The following RIN2 variants were observed in gnomAD, a reference collection of about 807,000 sequenced individuals.
The protein encoded by RIN2 is RAB5 interacting protein 2.
A neutral mutation model predicts 78.0 loss-of-function variants in RIN2; 36 were observed. The observed-to-expected ratio is 0.46, with a 90% CI of 0.35 to 0.61. The LOEUF (loss-of-function observed/expected upper bound fraction) is 0.61, where lower values mean the gene tolerates loss of function less well. RIN2 is among the 20% of genes least tolerant of loss of function. The pLI is 0.00. For missense variants in RIN2, 1,087 were observed against 1,159.7 expected, an observed-to-expected ratio of 0.94 and a Z score of 0.91; for synonymous variants, 466 against 466.8, an observed-to-expected ratio of 1.00 and a Z score of 0.02.
chr20:19,962,138 CAAA>C (rs112843574), intron 6 of RIN2, among the ~76,000 whole-genome samples: 24 of 129,620 alleles, frequency 1.9e-4, no homozygotes, highest in Admixed American at 3.0e-4. Context: ...CCATCTCCAC[CAAA>C]AAAAAAAAAA....
chr20:19,977,410 A>T (rs1020769002), intron 9 of RIN2, among the ~76,000 whole-genome samples: 2 of 126,260 alleles, frequency 1.6e-5, no homozygotes, highest in African/African-American at 2.9e-5. Context: ...TCCAAAAAAC[A>T]TGCTAAAATT....
At chr20:19,850,400 A>G (rs2036924001) in intron 2 of RIN2, among the ~76,000 whole-genome samples, 1 of 152,106 alleles carries the variant, frequency 6.6e-6, no homozygotes, top group African/African-American at 2.4e-5. Flanking sequence ...AATGTTACGT[A>G]TCCCATCATC....
rs1403746084 is a variant in RIN2 at position 19,904,248 on chromosome 20, T to A, written c.57+14590T>A. ...CTTCGTCTCAAAAAAAAAATATATATATATATATATATAAAATATATATAT... is the reference window on the plus strand; with the variant it reads ...CTTCGTCTCAAAAAAAAAATATATAAATATATATATATAAAATATATATAT... On this transcript the variant is annotated intron_variant, in intron 3 of 12. Transcript: ENST00000255006. 6.9e-3 allele frequency among the ~76,000 whole-genome samples: 1,000 copies of A among 144,112 alleles called. 6 individuals are homozygous for A. The highest frequency in any genetic ancestry group is 0.011 in the Non-Finnish European group (696 of 66,008). 94.5% of individuals were successfully genotyped at this position (144,112 alleles called of 152,430 possible). A position where few individuals can be genotyped will look rare whatever the true frequency, so the allele number is the denominator to read the frequency against.
intron 1 of RIN2, among the ~76,000 whole-genome samples, chr20:19,791,424 G>A (rs1042592556): frequency 1.3e-5 from 2 of 152,230 alleles, no homozygotes; most frequent in African/African-American, 2.4e-5. Context: ...ATAATTTAAG[G>A]TCAACAAAAT....
intron 2 of RIN2, among the ~76,000 whole-genome samples, chr20:19,884,044 T>C (rs2038107035): frequency 1.3e-5 from 2 of 149,972 alleles, no homozygotes; most frequent in South Asian, 2.2e-4. Flanking sequence ...CAAGCATTCC[T>C]TCTGCCTTGG....
At chr20:19,934,847 G>T (rs2040570940) in intron 3 of RIN2, among the ~76,000 whole-genome samples, 1 of 151,598 alleles carries the variant, frequency 6.6e-6, no homozygotes, top group Admixed American at 6.6e-5. Flanking sequence ...AACAAACTGG[G>T]TGTCATATTC....
chr20:19,947,442 C>G (rs148688862), intron 4 of RIN2, among the ~76,000 whole-genome samples: 1 of 152,256 alleles, frequency 6.6e-6, no homozygotes, highest in Non-Finnish European at 1.5e-5. Context: ...CACTTAGTAG[C>G]AAAACTACAG....
At chr20:19,916,520 G>A (rs879368184) in intron 3 of RIN2, among the ~76,000 whole-genome samples, 2 of 152,232 alleles carry the variant, frequency 1.3e-5, no homozygotes, top group Non-Finnish European at 2.9e-5. Context: ...TCAGGAGGCT[G>A]AGTTGAGAGG....
chr20:19,903,878 G>A (rs536708073), intron 3 of RIN2, among the ~76,000 whole-genome samples: 16 of 152,330 alleles, frequency 1.1e-4, no homozygotes, highest in African/African-American at 3.8e-4. Flanking sequence ...GCTCCTTGAG[G>A]ACAGAGAGAG....
intron 2 of RIN2, among the ~76,000 whole-genome samples, chr20:19,831,728 A>G (rs1223813102): frequency 6.6e-6 from 1 of 152,212 alleles, no homozygotes; most frequent in Non-Finnish European, 1.5e-5. Context: ...TTGGATATAC[A>G]GTAAGTGTTC....
chr20:19,848,997 G>C (rs2036873864), intron 2 of RIN2, among the ~76,000 whole-genome samples: 3 of 152,094 alleles, frequency 2.0e-5, no homozygotes, highest in African/African-American at 7.2e-5. Context: ...GCTTTCCTCA[G>C]GTCTCTGTAC....
At chr20:19,897,118 G>C (rs920436656) in intron 3 of RIN2, among the ~76,000 whole-genome samples, 1 of 151,974 alleles carries the variant, frequency 6.6e-6, no homozygotes, top group African/African-American at 2.4e-5. Flanking sequence ...TGTTGTTGTT[G>C]TTTTTGAGAC....
At chr20:19,858,838 C>A (rs1271721812) in intron 2 of RIN2, among the ~76,000 whole-genome samples, 3 of 152,128 alleles carry the variant, frequency 2.0e-5, no homozygotes, top group African/African-American at 7.2e-5. Context: ...ATAAAGAGAC[C>A]CTGGCAGGGC....
At chr20:19,919,476 C>T (rs414101) in intron 3 of RIN2, among the ~76,000 whole-genome samples, 2 of 151,920 alleles carry the variant, frequency 1.3e-5, no homozygotes, top group Non-Finnish European at 2.9e-5. Flanking sequence ...TTTCTTGATA[C>T]TATATAAAAT....
At chr20:19,787,905 ATC>A (rs2034734972) in intron 1 of RIN2, among the ~76,000 whole-genome samples, 1 of 152,194 alleles carries the variant, frequency 6.6e-6, no homozygotes, top group South Asian at 2.1e-4. Flanking sequence ...GATCTACTCC[ATC>A]TATCCCAGGT....
chr20:19,850,791 C>A (rs1044060412), intron 2 of RIN2, among the ~76,000 whole-genome samples: 1 of 152,096 alleles, frequency 6.6e-6, no homozygotes, highest in Non-Finnish European at 1.5e-5. Context: ...ATGGTGAAAA[C>A]CTGTCTCCTA....
chr20:19,842,827 C>T (rs1261757907), intron 2 of RIN2, among the ~76,000 whole-genome samples: 1 of 151,870 alleles, frequency 6.6e-6, no homozygotes, highest in Non-Finnish European at 1.5e-5. Flanking sequence ...AGTGATTCCT[C>T]TGATGGATCT....
rs145869192 is a variant in RIN2, at chr20:19,944,519, A to G, written c.158+9320A>G. ...CCTGCATTGGCCTCTTGTAGCTAGAAGCCTGGGCCCTCCGGCAATGCCACA... is the reference window on the plus strand; with the variant it reads ...CCTGCATTGGCCTCTTGTAGCTAGAGGCCTGGGCCCTCCGGCAATGCCACA... On this transcript the variant is annotated intron_variant, in intron 4 of 12. Transcript: ENST00000255006. Among the ~76,000 whole-genome samples, 365 of 152,330 alleles carry G rather than the reference A, an allele frequency of 2.4e-3. 4 individuals are homozygous for G. Among genetic ancestry groups the G allele is most frequent in the African/African-American group, 8.3e-3 (344 of 41,578 alleles).
intron 1 of RIN2, among the ~76,000 whole-genome samples, chr20:19,785,950 C>G (rs967371084): frequency 3.9e-5 from 6 of 152,152 alleles, no homozygotes; most frequent in African/African-American, 7.2e-5. Context: ...TCTTCCCTGC[C>G]TCTGTGTGAC....
Sources: allele counts gnomAD v4.1 joint callset (sites outside exome capture counted in the v4.1 genomes callset), GRCh38; gene constraint gnomAD v4.1.1; transcripts MANE v1.5; gene names NCBI Gene and HGNC (gene_info 2026-07-23, HGNC 2026-07-21).